The following ACTR3C variants were observed in gnomAD, a reference collection of about 807,000 sequenced individuals.
The protein encoded by ACTR3C is actin-related protein 3C.
A neutral mutation model predicts 26.3 loss-of-function variants in ACTR3C; 18 were observed. The observed-to-expected ratio is 0.68, with a 90% CI of 0.47 to 1.01. The LOEUF is 1.01. Ranked by LOEUF, ACTR3C falls within the 50% of genes least tolerant of loss-of-function variation. ACTR3C has a pLI of 0.00. For missense variants in ACTR3C, 184 were observed against 250.7 expected (o/e 0.73, Z 1.80); for synonymous variants, 55 against 94.5 (o/e 0.58, Z 2.42).
At chr7:150,299,455 A>AC (rs1454964302) in intron 1 of ACTR3C, among the ~76,000 whole-genome samples, 1 of 90,450 alleles carries the variant, frequency 1.1e-5, no homozygotes, top group Non-Finnish European at 2.1e-5. Flanking sequence ...CAACATAGAG[A>AC]CCCCCTCTCA....
chr7:150,034,989 C>G, the ACTR3C span, among the ~76,000 whole-genome samples: 5 of 146,002 alleles, frequency 3.4e-5, no homozygotes, highest in African/African-American at 7.6e-5. Flanking sequence ...GGGTGCCTCC[C>G]CCTCCTGTGA....
At chr7:150,174,571 GAA>G in the ACTR3C span, among the ~76,000 whole-genome samples, 23 of 99,660 alleles carry the variant, frequency 2.3e-4, no homozygotes, top group African/African-American at 2.2e-4. Context: ...ATCCTGCTCT[GAA>G]AAAAAAAAAA....
At chr7:150,091,893 C>T in the ACTR3C span, among the ~76,000 whole-genome samples, 2 of 134,978 alleles carry the variant, frequency 1.5e-5, no homozygotes, top group African/African-American at 5.5e-5. Context: ...GAGGCTGAGG[C>T]AGGAGAATGG....
At chr7:149,960,332 G>A in the ACTR3C span, among the ~76,000 whole-genome samples, 1 of 152,142 alleles carries the variant, frequency 6.6e-6, no homozygotes, top group African/African-American at 2.4e-5. Context: ...GTCTGAAAAT[G>A]TACTGACAAC....
intron 6 of ACTR3C, among the ~76,000 whole-genome samples, chr7:150,266,939 T>C (rs10275006): frequency 0.12 from 19,002 of 152,236 alleles, 2,023 homozygotes; most frequent in African/African-American, 0.27. Context: ...ATGCTGTAAG[T>C]ACTTTGGAAA....
At chr7:150,291,861 G>T (rs1173210569) in intron 3 of ACTR3C, among the ~76,000 whole-genome samples, 1 of 151,558 alleles carries the variant, frequency 6.6e-6, no homozygotes, top group African/African-American at 2.4e-5. Flanking sequence ...CTTGAAGGGG[G>T]CTCAAGTCTA....
chr7:149,970,147 C>A, the ACTR3C span, among the ~76,000 whole-genome samples: 3 of 152,236 alleles, frequency 2.0e-5, no homozygotes, highest in South Asian at 2.1e-4. Context: ...TCTTGGCATA[C>A]AAATCCTTTT....
At chr7:150,271,283 C>T (rs1054647810) in intron 6 of ACTR3C, among the ~76,000 whole-genome samples, 7 of 146,506 alleles carry the variant, frequency 4.8e-5, no homozygotes, top group African/African-American at 1.9e-4. Context: ...TGGTTTGCTG[C>T]ACCCACCAAC....
At chr7:150,260,336 C>T (rs555171012) in intron 6 of ACTR3C, among the ~76,000 whole-genome samples, 1 of 152,264 alleles carries the variant, frequency 6.6e-6, no homozygotes, top group African/African-American at 2.4e-5. Context: ...TGTTTGATTA[C>T]AAGTATGTCC....
rs201919346 is a variant in ACTR3C at position 150,272,690 on chromosome 7, GTTTTT to G, written c.564+12058_564+12062del. ...AGTGTCTTTTTTGTGTGTTTTTTTG[GTTTTT>G]TTTTTTTTTTTTTGAGACAAGGTCT... is the stretch of plus-strand genomic sequence containing the variant. On this transcript the variant is annotated intron_variant, in intron 6 of 7. Coordinates refer to ENST00000683684, the MANE Select transcript of ACTR3C (RefSeq NM_001164458.2). 5.3e-5 allele frequency among the ~76,000 whole-genome samples: 6 copies of G among 113,996 alleles called. 1 individual carries two copies. Among genetic ancestry groups the G allele is most frequent in the African/African-American group, 2.0e-4 (5 of 25,300 alleles). The allele number at this position is 113,996 out of a possible 152,430, so 74.8% of individuals were successfully genotyped here.
chr7:150,305,183 A>T (rs1795715479), intron 1 of ACTR3C, among the ~76,000 whole-genome samples: 1 of 152,102 alleles, frequency 6.6e-6, no homozygotes. Flanking sequence ...ACTGAGGGAA[A>T]ATCCATTTTC....
At chr7:150,033,928 C>T in the ACTR3C span, among the ~76,000 whole-genome samples, 32 of 151,664 alleles carry the variant, frequency 2.1e-4, no homozygotes, top group East Asian at 3.9e-4. Flanking sequence ...GGGTGCCTCC[C>T]CCCCTGCGAT....
the ACTR3C span, among the ~76,000 whole-genome samples, chr7:149,909,291 T>A: frequency 6.1e-5 from 9 of 147,030 alleles, no homozygotes; most frequent in Admixed American, 4.7e-4. Flanking sequence ...AATCTTTCAA[T>A]AGAGTGAATA....
At chr7:149,885,939 A>G in the ACTR3C span, among the ~76,000 whole-genome samples, 1 of 152,258 alleles carries the variant, frequency 6.6e-6, no homozygotes, top group Non-Finnish European at 1.5e-5. Context: ...ACTGGATCAA[A>G]TTCCAGCTCT....
At chr7:150,080,527 A>ATGTGTG in the ACTR3C span, among the ~76,000 whole-genome samples, 2,661 of 142,620 alleles carry the variant, frequency 0.019, 72 homozygotes, top group African/African-American at 0.064. Context: ...TTGTGTGTGT[A>ATGTGTG]TGTGTGTGTG....
chr7:150,093,112 C>A, the ACTR3C span, among the ~76,000 whole-genome samples: 1 of 151,458 alleles, frequency 6.6e-6, no homozygotes, highest in African/African-American at 2.5e-5. Flanking sequence ...AAAATGGGGA[C>A]AGGAATATCT....
At chr7:150,139,974 A>G in the ACTR3C span, among the ~76,000 whole-genome samples, 7 of 151,968 alleles carry the variant, frequency 4.6e-5, no homozygotes, top group African/African-American at 1.7e-4. Flanking sequence ...ACAAATATGC[A>G]CACACACACA....
the ACTR3C span, among the ~76,000 whole-genome samples, chr7:150,019,220 C>G: frequency 6.6e-6 from 1 of 150,394 alleles, no homozygotes; most frequent in Non-Finnish European, 1.5e-5. Flanking sequence ...GAAGTAGACA[C>G]TGTCGGAAAT....
chr7:150,011,717 C>A, the ACTR3C span, among the ~76,000 whole-genome samples: 1 of 152,174 alleles, frequency 6.6e-6, no homozygotes, highest in Non-Finnish European at 1.5e-5. Flanking sequence ...TTTCTCAATT[C>A]CCTTCTGCCT....
Sources: gnomAD v4.1 joint callset for allele counts (sites outside exome capture counted in the v4.1 genomes callset) on GRCh38, gnomAD v4.1.1 for gene constraint, MANE v1.5 for transcripts, NCBI Gene and HGNC (gene_info 2026-07-23, HGNC 2026-07-21) for gene names.